Variants in ROCK2 observed in about 807,000 individuals in gnomAD.
ROCK2 encodes Rho associated coiled-coil containing protein kinase 2.
In ROCK2, 61 loss-of-function variants were observed where a neutral mutation model predicts 195.1. That is an observed-to-expected ratio of 0.31 (90% CI 0.25 to 0.39). The LOEUF is 0.39. Ranked by LOEUF, ROCK2 falls within the 10% of genes least tolerant of loss-of-function variation. The pLI is 1.00. For synonymous variants in ROCK2, 504 were observed against 545.5 expected (o/e 0.92, Z 1.06); for missense variants, 1,109 against 1,637.4 (o/e 0.68, Z 5.57).
chr2:11,343,925 G>A (rs915442670), intron 1 of ROCK2, 71 bp downstream of exon 1: 3 of 1,514,042 alleles, frequency 2.0e-6, no homozygotes, highest in African/African-American at 1.5e-5. Context: ...GGACGGGCAC[G>A]GAGGGCTGGG....
chr2:11,205,728 T>C (rs772638876), intron 20 of ROCK2, among the ~76,000 whole-genome samples: 12 of 152,152 alleles, frequency 7.9e-5, no homozygotes, highest in Non-Finnish European at 1.6e-4. Flanking sequence ...CTATCTTTCA[T>C]AGTAACTACT....
At chr2:11,315,469 T>TAAA (rs143973958) in intron 1 of ROCK2, among the ~76,000 whole-genome samples, 1 of 150,884 alleles carries the variant, frequency 6.6e-6, no homozygotes, top group African/African-American at 2.4e-5. Flanking sequence ...ATAAAACTAG[T>TAAA]AAAAAAAAAC....
rs1243096612 is a variant in ROCK2, at chr2:11,259,557, T to C, written c.325-9759A>G. Among the ~76,000 whole-genome samples, 3 of 151,404 alleles carry C rather than the reference T, an allele frequency of 2.0e-5. 1 individual carries two copies. Among genetic ancestry groups the C allele is most frequent in the African/African-American group, 7.4e-5 (3 of 40,670 alleles). ...CTCTGAGACTCAGTTTTGCAATCTA[T>C]AAAGCTAGTATCATAATACCCATCA... On this transcript the variant is annotated intron_variant, in intron 3 of 32. Coordinates refer to ENST00000315872, the MANE Select transcript of ROCK2 (RefSeq NM_004850.5).
At chr2:11,334,217 T>C (rs1432921073) in intron 1 of ROCK2, among the ~76,000 whole-genome samples, 1 of 152,098 alleles carries the variant, frequency 6.6e-6, no homozygotes, top group Non-Finnish European at 1.5e-5. Context: ...TCACTCCTGT[T>C]ATTTAAAAAA....
rs1664183080 is a variant in ROCK2 at position 11,209,746 on chromosome 2, T to G, written c.2204-1299A>C. Among the ~76,000 whole-genome samples, 3 of 152,218 alleles carry G rather than the reference T, an allele frequency of 2.0e-5. No homozygotes were observed. The South Asian group carries it at 6.2e-4, about 31-fold the overall frequency. On this transcript the variant is annotated intron_variant, in intron 18 of 32. Transcript: ENST00000315872. ...TCCTCTGCTTTTTCATAATTAATGC[T>G]CAACATCTAATTATCATCTATTATA...
At chr2:11,247,767 C>G (rs1665668952) in intron 4 of ROCK2, among the ~76,000 whole-genome samples, 1 of 152,176 alleles carries the variant, frequency 6.6e-6, no homozygotes, top group African/African-American at 2.4e-5. Flanking sequence ...TGCCTGTAAT[C>G]CCAGCACTTT....
At chr2:11,297,370 T>C (rs1197982010) in intron 1 of ROCK2, among the ~76,000 whole-genome samples, 1 of 152,106 alleles carries the variant, frequency 6.6e-6, no homozygotes, top group Non-Finnish European at 1.5e-5. Flanking sequence ...TAACTCATAA[T>C]AAAATATAGC....
chr2:11,336,438 G>A (rs916333925), intron 1 of ROCK2, among the ~76,000 whole-genome samples: 2 of 151,948 alleles, frequency 1.3e-5, no homozygotes, highest in East Asian at 1.9e-4. Flanking sequence ...CTGTAGAGGC[G>A]ACAAATCTCA....
intron 2 of ROCK2, among the ~76,000 whole-genome samples, chr2:11,287,076 T>C (rs1281489187): frequency 1.3e-5 from 2 of 152,194 alleles, no homozygotes. Context: ...TAACTATAGA[T>C]AAGATTGTTT....
chr2:11,193,210 T>TA (rs1166766414), intron 30 of ROCK2, among the ~76,000 whole-genome samples: 4 of 152,158 alleles, frequency 2.6e-5, no homozygotes, highest in Admixed American at 1.3e-4. Context: ...GGATGTGTAT[T>TA]AAACTCCAAA....
chr2:11,258,740 T>C (rs943170970), intron 3 of ROCK2, among the ~76,000 whole-genome samples: 1 of 151,038 alleles, frequency 6.6e-6, no homozygotes, highest in African/African-American at 2.5e-5. Context: ...GGGTTGTGAA[T>C]GCAGTTGACT....
At chr2:11,268,556 G>GTGTC (rs1666509922) in intron 3 of ROCK2, among the ~76,000 whole-genome samples, 1 of 147,724 alleles carries the variant, frequency 6.8e-6, no homozygotes, top group South Asian at 2.1e-4. Context: ...GTGTGTGTGT[G>GTGTC]TCTCTGCATT....
In ROCK2 at chr2:11,281,974, C is replaced by A. The variant is rs532395748; in HGVS notation, c.324+4565G>T. Among the ~76,000 whole-genome samples, 15 of 152,118 alleles carry A rather than the reference C, an allele frequency of 9.9e-5. No homozygotes were observed. The South Asian group carries it at 1.9e-3, about 19-fold the overall frequency. ...ATTTTCAATCCAATCACAAAAAAAA[C>A]CCCAGTAAGTTATTTCACGGATATT... On this transcript the variant is annotated intron_variant, in intron 3 of 32. Transcript: ENST00000315872.
chr2:11,298,169 C>T (rs995963027), intron 1 of ROCK2, among the ~76,000 whole-genome samples: 3 of 152,152 alleles, frequency 2.0e-5, no homozygotes, highest in Middle Eastern at 3.4e-3. Context: ...AATGAACTTA[C>T]TGACAACATA....
At chr2:11,206,454 A>G (rs1264899989) in intron 20 of ROCK2, among the ~76,000 whole-genome samples, 1 of 152,214 alleles carries the variant, frequency 6.6e-6, no homozygotes, top group African/African-American at 2.4e-5. Flanking sequence ...AAGCTAATAT[A>G]CAGAAAAAAA....
rs151128663 is a variant in ROCK2, at chr2:11,196,764, G to A, written c.3448+416C>T. 7.0e-3 allele frequency among the ~76,000 whole-genome samples: 1,070 copies of A among 152,288 alleles called. 14 individuals are homozygous for A. Among genetic ancestry groups the A allele is most frequent in the African/African-American group, 0.024 (1,015 of 41,548 alleles). On this transcript the variant is annotated intron_variant, in intron 27 of 32. Coordinates refer to ENST00000315872, the MANE Select transcript of ROCK2 (RefSeq NM_004850.5). ...TGAGTCAGAATCAGAGTCAAGGAGC[G>A]TGTGAGAACTGGAAGGCTTAGTGGC... is the stretch of plus-strand genomic sequence containing the variant.
chr2:11,214,422 T>C lies in ROCK2; in HGVS notation c.1978A>G (p.Ile660Val), dbSNP rs750261875. ...TCCAGTTCTACTTTCGCTAGTAAGA[T>C]TTTGCCGTTCTTTAAATCTTCTTCT... ...GLEEDLKNGK[I>V]LLAKVELEKR... is the part of the protein sequence containing the mutation. The change falls in exon 17 of 33, where the codon ATC becomes GTC. Residue 660 changes from isoleucine to valine, a missense_variant. By Grantham distance (29) the Ile-to-Val change is conservative. Transcript: ENST00000315872. 1.2e-6 allele frequency: 2 copies of C among 1,611,430 alleles called. No individual in the cohort carries two copies. The highest frequency in any genetic ancestry group is 1.1e-5 in the South Asian group (1 of 90,746).
chr2:11,280,551 G>C (rs961234691), intron 3 of ROCK2, among the ~76,000 whole-genome samples: 5 of 151,942 alleles, frequency 3.3e-5, no homozygotes, highest in African/African-American at 1.2e-4. Flanking sequence ...GATCACTTGA[G>C]CCCAGGAGGC....
At chr2:11,317,688 C>G (rs1169795422) in intron 1 of ROCK2, among the ~76,000 whole-genome samples, 3 of 137,936 alleles carry the variant, frequency 2.2e-5, no homozygotes, top group African/African-American at 5.4e-5. Flanking sequence ...CATATGTATA[C>G]ATGTGCCATG....
Sources: allele counts gnomAD v4.1 joint callset (sites outside exome capture counted in the v4.1 genomes callset), GRCh38; gene constraint gnomAD v4.1.1; transcripts MANE v1.5; gene names NCBI Gene and HGNC (gene_info 2026-07-23, HGNC 2026-07-21).